The following NLRP4 variants were observed in gnomAD, a reference collection of about 807,000 sequenced individuals.
NLRP4 encodes NLR family pyrin domain containing 4.
In NLRP4, 44 loss-of-function variants were observed where a neutral mutation model predicts 84.7. The observed-to-expected ratio is 0.52, with a 90% CI of 0.41 to 0.67. The LOEUF is 0.67. NLRP4 is among the 30% of genes least tolerant of loss of function. The probability of loss-of-function intolerance (pLI) is 0.00; values close to 1 mark genes in which losing one functional copy is unlikely to be tolerated. For missense variants in NLRP4, 1,260 were observed against 1,219.4 expected (o/e 1.03, Z -0.50); for synonymous variants, 544 against 476.4 (o/e 1.14, Z -1.85).
chr19:55,866,372 C>T (rs1217451802), intron 5 of NLRP4, among the ~76,000 whole-genome samples: 2 of 152,220 alleles, frequency 1.3e-5, no homozygotes, highest in African/African-American at 4.8e-5. Context: ...ACATTAAAAG[C>T]ATGCATGGCC....
intron 1 of NLRP4, among the ~76,000 whole-genome samples, chr19:55,842,580 C>T (rs1983653051): frequency 6.6e-6 from 1 of 150,904 alleles, no homozygotes; most frequent in South Asian, 2.1e-4. Context: ...ATTCTATTTT[C>T]TGTCTCACAA....
chr19:55,849,883 AATTTCCGTG>A (rs1983961428), intron 1 of NLRP4, among the ~76,000 whole-genome samples: 8 of 27,814 alleles, frequency 2.9e-4, no homozygotes, highest in African/African-American at 1.5e-3. Context: ...GCCGCGGTGT[AATTTCCGTG>A]GCCGGCGGTG....
At chr19:55,838,150 A>C (rs544003375) in intron 1 of NLRP4, among the ~76,000 whole-genome samples, 8 of 149,726 alleles carry the variant, frequency 5.3e-5, no homozygotes, top group Non-Finnish European at 8.9e-5. Flanking sequence ...GAAATACAAA[A>C]AATTAGCCAA....
At position 55,877,058 on chromosome 19, in the gene NLRP4, A is replaced by G. The variant is rs1985399838; in HGVS notation, c.2588A>G (p.Asn863Ser). 6.2e-7 allele frequency: 1 copy of G among 1,614,134 alleles called. No individual in the cohort carries two copies. The highest frequency in any genetic ancestry group is 8.5e-7 in the Non-Finnish European group (1 of 1,179,990). Residue 863 changes from asparagine (N) to serine (S), a missense_variant, in exon 8 of 10, where the codon AAT becomes AGT. Around this residue, in one of 3 missense-constraint regions of NLRP4, gnomAD observed 544 missense variants for 531.7 expected, o/e 1.02. Transcript: ENST00000301295. The part of the protein sequence containing the change: ...CEDLASALIS[N>S]QNLKILQIGC... ...GACCTCGCCTCTGCTCTCATCAGCA[A>G]TCAAAACCTGAAGATTCTGCAAATT...
At chr19:55,873,891 T>C (rs1173646832) in intron 7 of NLRP4, among the ~76,000 whole-genome samples, 1 of 152,082 alleles carries the variant, frequency 6.6e-6, no homozygotes, top group Non-Finnish European at 1.5e-5. Flanking sequence ...GAAAAAGGAA[T>C]ATACTTTGCA....
At chr19:55,878,683 G>A in intron 8 of NLRP4, 111 bp from the exon 9 acceptor site, 1 of 880,112 alleles carries the variant, frequency 1.1e-6, no homozygotes, top group South Asian at 1.8e-5. Flanking sequence ...GACTGTGAGA[G>A]ATTGCACTTG....
At chr19:55,837,606 A>C (rs533083771) in intron 1 of NLRP4, among the ~76,000 whole-genome samples, 18 of 151,800 alleles carry the variant, frequency 1.2e-4, no homozygotes, top group Non-Finnish European at 1.9e-4. Flanking sequence ...CCAACCCTAA[A>C]AACACACACA....
intron 1 of NLRP4, among the ~76,000 whole-genome samples, chr19:55,847,849 A>G (rs1158878388): frequency 6.6e-6 from 1 of 151,308 alleles, no homozygotes; most frequent in Non-Finnish European, 1.5e-5. Context: ...TGAGTAGCTG[A>G]GACTACAGAC....
At chr19:55,853,662 G>C (rs1345472759) in intron 2 of NLRP4, among the ~76,000 whole-genome samples, 4 of 151,814 alleles carry the variant, frequency 2.6e-5, no homozygotes, top group Non-Finnish European at 5.9e-5. Flanking sequence ...CTCCTGCCTT[G>C]GCCTCCCAAA....
At chr19:55,851,951 C>G in intron 1 of NLRP4, 65 bp from the exon 2 acceptor site, 2 of 710,946 alleles carry the variant, frequency 2.8e-6, no homozygotes, top group Non-Finnish European at 4.8e-6. Flanking sequence ...TAGCAAGATA[C>G]TATATAATGG....
intron 8 of NLRP4, 85 bp from the exon 9 acceptor site, chr19:55,878,709 C>A: frequency 8.2e-7 from 1 of 1,215,446 alleles, no homozygotes; most frequent in Non-Finnish European, 1.2e-6. Context: ...ATGGGGTGTG[C>A]CTCAACTAGA....
intron 8 of NLRP4, 37 bp from the exon 9 acceptor site, chr19:55,878,757 C>T (rs745583044): frequency 1.9e-6 from 3 of 1,574,944 alleles, no homozygotes; most frequent in East Asian, 2.3e-5. Flanking sequence ...CACCCTGAGG[C>T]TGGGGCCGCA....
chr19:55,854,971 G>A (rs754959360), intron 2 of NLRP4, among the ~76,000 whole-genome samples: 3 of 152,152 alleles, frequency 2.0e-5, no homozygotes, highest in Admixed American at 6.5e-5. Flanking sequence ...TGATCCGCCC[G>A]CCTTGGCTTC....
At chr19:55,856,979 T>A (rs991889156) in intron 2 of NLRP4, among the ~76,000 whole-genome samples, 1 of 152,220 alleles carries the variant, frequency 6.6e-6, no homozygotes, top group African/African-American at 2.4e-5. Context: ...TAGGTGGACT[T>A]TCAGATCTAG....
At chr19:55,846,240 G>C (rs1298317964) in intron 1 of NLRP4, among the ~76,000 whole-genome samples, 1 of 152,068 alleles carries the variant, frequency 6.6e-6, no homozygotes, top group South Asian at 2.1e-4. Context: ...TTCTACTTAC[G>C]GCTAGCCAGT....
intron 2 of NLRP4, 114 bp downstream of exon 2, chr19:55,852,474 A>AG: frequency 2.0e-6 from 1 of 499,128 alleles, no homozygotes; most frequent in Non-Finnish European, 3.4e-6. Context: ...GGAAAATATT[A>AG]GGTTTTTTTT....
chr19:55,849,872 G>A lies in NLRP4; in HGVS notation c.-65-2144G>A, dbSNP rs446746. Among the ~76,000 whole-genome samples, 1,126 of 120,004 alleles carry A rather than the reference G, an allele frequency of 9.4e-3. 96 individuals carry two copies. Among genetic ancestry groups the A allele is most frequent in the African/African-American group, 0.037 (956 of 26,128 alleles). The allele number at this position is 120,004 out of a possible 152,430, so 78.7% of individuals were successfully genotyped here. A position where few individuals can be genotyped will look rare whatever the true frequency, so the allele number is the denominator to read the frequency against. On this transcript the variant is annotated intron_variant, in intron 1 of 9. Coordinates refer to ENST00000301295, the MANE Select transcript of NLRP4 (RefSeq NM_134444.5). ...TCCGAGACTGCGGTGTAATTTCCGT[G>A]GCCGCGGTGTAATTTCCGTGGCCGG...
At chr19:55,838,221 G>A (rs1036607123) in intron 1 of NLRP4, among the ~76,000 whole-genome samples, 14 of 151,974 alleles carry the variant, frequency 9.2e-5, no homozygotes, top group Middle Eastern at 3.4e-3. Flanking sequence ...AGGATTGCTT[G>A]AACCTGGGAG....
intron 7 of NLRP4, among the ~76,000 whole-genome samples, chr19:55,874,277 C>T (rs1194066003): frequency 1.3e-5 from 2 of 152,018 alleles, no homozygotes; most frequent in Admixed American, 1.3e-4. Flanking sequence ...AATATGTAAT[C>T]AGTACAAAAA....
Sources: allele counts gnomAD v4.1 joint callset (sites outside exome capture counted in the v4.1 genomes callset), GRCh38; gene constraint gnomAD v4.1.1; regional missense constraint gnomAD v4.1.1; transcripts MANE v1.5; gene names NCBI Gene and HGNC (gene_info 2026-07-23, HGNC 2026-07-21).